ANK1: variants seen among roughly 807,000 people sequenced by gnomAD.
ANK1 encodes ankyrin 1, also known as ankyrin-1.
A neutral mutation model predicts 210.4 loss-of-function variants in ANK1; 51 were observed. The ratio of observed to expected loss-of-function variants is 0.24; its 90% CI spans 0.19 to 0.31. ANK1 has a LOEUF of 0.31. Ranked by LOEUF, ANK1 falls within the 10% of genes least tolerant of loss-of-function variation. The probability of loss-of-function intolerance (pLI) is 1.00; values close to 1 mark genes in which losing one functional copy is unlikely to be tolerated. For synonymous variants in ANK1, 967 were observed against 1,025.9 expected, an observed-to-expected ratio of 0.94 and a Z score of 1.10; for missense variants, 2,051 against 2,504.4, an observed-to-expected ratio of 0.82 and a Z score of 3.86.
At chr8:41,896,612 C>T in exon 1 of ANK1, 2 of 1,241,292 alleles carry the variant, frequency 1.6e-6, no homozygotes, top group Non-Finnish European at 2.1e-6. Flanking sequence ...GCCCCGAGGG[C>T]CGGCTGCTGC....
chr8:41,809,067 G>A (rs1851400673), intron 1 of ANK1, among the ~76,000 whole-genome samples: 1 of 152,230 alleles, frequency 6.6e-6, no homozygotes, highest in South Asian at 2.1e-4. Context: ...CCAGACCCAG[G>A]TGACCACACA....
intron 24 of ANK1, 184 bp downstream of exon 24, chr8:41,697,859 C>T: frequency 1.4e-6 from 1 of 694,462 alleles, no homozygotes; most frequent in Non-Finnish European, 2.6e-6. Flanking sequence ...CCAGACGCCG[C>T]CCACCCAGCG....
intron 33 of ANK1, 39 bp from the exon 34 acceptor site, chr8:41,688,628 C>T (rs1818365628): frequency 6.4e-7 from 1 of 1,571,198 alleles, no homozygotes; most frequent in African/African-American, 1.4e-5. Flanking sequence ...TTTGGACTCT[C>T]CCCACCTTCC....
intron 1 of ANK1, among the ~76,000 whole-genome samples, chr8:41,889,626 G>GA (rs1819059200): frequency 6.6e-6 from 1 of 152,156 alleles, no homozygotes; most frequent in African/African-American, 2.4e-5. Flanking sequence ...CTTTCTTGGA[G>GA]AATGTGCTGT....
rs1356564127 is a variant in ANK1, at chr8:41,693,831, C to A, written c.3532+67G>T. ...TTGCTGGCCTCGCCTTCTCGAGTCA[C>A]CCCCCTACTGTGTTCCAGACGCACT... On this transcript the variant is annotated intron_variant, in intron 29 of 42. Transcript: ENST00000289734. The A allele has an allele frequency of 2.6e-5, 40 of 1,519,986 alleles. No homozygotes were observed. The Admixed American group carries it at 7.6e-4, about 29-fold the overall frequency. 94.2% of individuals were successfully genotyped at this position (1,519,986 alleles called of 1,614,324 possible). A position where few individuals can be genotyped will look rare whatever the true frequency, so the allele number is the denominator to read the frequency against.
chr8:41,670,350 A>C (rs1198266338), intron 38 of ANK1, among the ~76,000 whole-genome samples: 1 of 152,044 alleles, frequency 6.6e-6, no homozygotes, highest in East Asian at 1.9e-4. Context: ...CCAAGGTCAC[A>C]GCACCAGGAA....
chr8:41,777,467 C>T (rs1844306797), intron 1 of ANK1, among the ~76,000 whole-genome samples: 1 of 152,010 alleles, frequency 6.6e-6, no homozygotes, highest in Non-Finnish European at 1.5e-5. Context: ...CCCACCTACC[C>T]AGGAGGCTGA....
At chr8:41,707,338 G>A (rs1216818330) in intron 17 of ANK1, among the ~76,000 whole-genome samples, 3 of 152,202 alleles carry the variant, frequency 2.0e-5, no homozygotes, top group Admixed American at 2.0e-4. Flanking sequence ...TTGCTAGCGT[G>A]GGACCAACAA....
At chr8:41,746,681 T>G (rs1025209742) in intron 2 of ANK1, among the ~76,000 whole-genome samples, 1 of 152,188 alleles carries the variant, frequency 6.6e-6, no homozygotes, top group Non-Finnish European at 1.5e-5. Context: ...GCAGCAGCCC[T>G]GTGCTCTGAG....
chr8:41,892,994 G>A (rs1207546040), intron 1 of ANK1, among the ~76,000 whole-genome samples: 6 of 152,110 alleles, frequency 3.9e-5, no homozygotes, highest in Non-Finnish European at 7.4e-5. Flanking sequence ...GCAGGTATCC[G>A]GCTTAGTGTG....
chr8:41,882,423 C>A (rs1358397181), intron 1 of ANK1, among the ~76,000 whole-genome samples: 1 of 152,108 alleles, frequency 6.6e-6, no homozygotes, highest in Admixed American at 6.6e-5. Context: ...TCTCCCCAGC[C>A]CCAGCTGAGC....
chr8:41,876,278 C>G (rs1034468235), intron 1 of ANK1, among the ~76,000 whole-genome samples: 22 of 152,174 alleles, frequency 1.4e-4, no homozygotes, highest in Admixed American at 1.2e-3. Flanking sequence ...TGGCACCGAC[C>G]GCCCGGTCGT....
At chr8:41,785,940 G>A (rs766893648) in intron 1 of ANK1, among the ~76,000 whole-genome samples, 13 of 152,126 alleles carry the variant, frequency 8.5e-5, no homozygotes, top group Non-Finnish European at 1.6e-4. Context: ...GTCATCAGCG[G>A]TACTCTCCGC....
At chr8:41,753,219 C>T (rs965032581) in intron 2 of ANK1, among the ~76,000 whole-genome samples, 4 of 152,204 alleles carry the variant, frequency 2.6e-5, no homozygotes, top group Non-Finnish European at 4.4e-5. Context: ...TGCCTGCCAT[C>T]ATGCCCGGCT....
intron 1 of ANK1, among the ~76,000 whole-genome samples, chr8:41,855,464 T>C (rs544488399): frequency 1.3e-5 from 2 of 152,218 alleles, no homozygotes; most frequent in South Asian, 4.1e-4. Flanking sequence ...TTTGGATCAC[T>C]GGGTCATGTT....
rs1811437340 is a variant in ANK1, at chr8:41,852,476, A to T, written c.126+43879T>A. On this transcript the variant is annotated intron_variant, in intron 1 of 42. Coordinates refer to the ANK1 transcript ENST00000265709. ...GCTCACTGAGAGGAGCACAGCACAG[A>T]GTGCACACACATGGGGGACATACAG... Among the ~76,000 whole-genome samples the T allele has an allele frequency of 2.6e-5, 4 of 152,212 alleles. No homozygotes were observed. The South Asian group carries it at 8.3e-4, about 32-fold the overall frequency.
In ANK1 at chr8:41,896,491, G is replaced by C. The variant is rs758498187; in HGVS notation, c.-11C>G. On this transcript the variant is annotated 5_prime_UTR_variant, in exon 1 of 43. Coordinates refer to the ANK1 transcript ENST00000265709. ...GGCCGCTTGAGCCATGGCGGGTCAC[G>C]GCGCTCCCGTCCCCGCCTCCTGGAC... The C allele has an allele frequency of 5.0e-6, 8 of 1,589,038 alleles. No individual in the cohort carries two copies. In the South Asian group the frequency reaches 8.0e-5, roughly 16 times the overall value.
intron 1 of ANK1, among the ~76,000 whole-genome samples, chr8:41,765,694 C>G (rs930343291): frequency 2.6e-5 from 4 of 152,184 alleles, no homozygotes; most frequent in African/African-American, 9.7e-5. Context: ...GAATTAAGTT[C>G]TCATCAGGAC....
intron 1 of ANK1, among the ~76,000 whole-genome samples, chr8:41,790,223 T>C (rs1379680202): frequency 1.3e-5 from 2 of 151,584 alleles, no homozygotes; most frequent in African/African-American, 4.9e-5. Context: ...CTCGGCTCAC[T>C]GCAACCTCTG....
Sources: allele counts gnomAD v4.1 joint callset (sites outside exome capture counted in the v4.1 genomes callset), GRCh38; gene constraint gnomAD v4.1.1; transcripts MANE v1.5; gene names NCBI Gene and HGNC (gene_info 2026-07-23, HGNC 2026-07-21).